The following XYLB variants were observed in gnomAD, a reference collection of about 807,000 sequenced individuals.
XYLB encodes xylulokinase.
A neutral mutation model predicts 78.7 loss-of-function variants in XYLB; 62 were observed. That is an observed-to-expected ratio of 0.79 (90% CI 0.64 to 0.97). The LOEUF (loss-of-function observed/expected upper bound fraction) is 0.97, where lower values mean the gene tolerates loss of function less well. Ranked by LOEUF, XYLB falls within the 50% of genes least tolerant of loss-of-function variation. The probability of loss-of-function intolerance (pLI) is 0.00; values close to 1 mark genes in which losing one functional copy is unlikely to be tolerated. For missense variants in XYLB, 687 were observed against 676.8 expected (o/e 1.02, Z -0.17); for synonymous variants, 245 against 247.4 (o/e 0.99, Z 0.09).
At chr3:38,388,175 T>TTTG (rs1553657963) in intron 15 of XYLB, among the ~76,000 whole-genome samples, 159 of 137,696 alleles carry the variant, frequency 1.2e-3, no homozygotes, top group Middle Eastern at 4.2e-3. Context: ...TTTTGTTTTT[T>TTTG]TTTTTTTTTT....
chr3:38,380,721 A>T (rs1464633854), intron 15 of XYLB, among the ~76,000 whole-genome samples: 1 of 152,230 alleles, frequency 6.6e-6, no homozygotes, highest in African/African-American at 2.4e-5. Context: ...TTTACTAAAG[A>T]TGTACAGGAG....
the XYLB span, among the ~76,000 whole-genome samples, chr3:38,431,752 C>T: frequency 7.8e-4 from 119 of 152,136 alleles, no homozygotes; most frequent in Non-Finnish European, 1.5e-3. Context: ...CCTTAGGAAA[C>T]TTAGAATCAT....
At chr3:38,377,535 C>T (rs1164014468) in intron 14 of XYLB, among the ~76,000 whole-genome samples, 1 of 151,694 alleles carries the variant, frequency 6.6e-6, no homozygotes, top group Non-Finnish European at 1.5e-5. Flanking sequence ...GCAACCCCCA[C>T]CTCGTGGGTT....
the XYLB span, among the ~76,000 whole-genome samples, chr3:38,445,660 T>A: frequency 1.3e-5 from 2 of 152,232 alleles, no homozygotes; most frequent in African/African-American, 2.4e-5. Context: ...TGTCAACCCT[T>A]GGGTCAGCCC....
intron 15 of XYLB, among the ~76,000 whole-genome samples, chr3:38,392,988 A>G (rs1707730584): frequency 6.6e-6 from 1 of 152,164 alleles, no homozygotes; most frequent in African/African-American, 2.4e-5. Flanking sequence ...GTCTTTGCGA[A>G]TGATGTAACT....
At chr3:38,440,808 C>T in the XYLB span, among the ~76,000 whole-genome samples, 1 of 151,656 alleles carries the variant, frequency 6.6e-6, no homozygotes, top group African/African-American at 2.4e-5. Flanking sequence ...TTCTATCTCT[C>T]TCTCTTTCTC....
At chr3:38,387,785 A>G (rs1707451496) in intron 15 of XYLB, among the ~76,000 whole-genome samples, 1 of 152,186 alleles carries the variant, frequency 6.6e-6, no homozygotes, top group Non-Finnish European at 1.5e-5. Flanking sequence ...TTCTATTTCT[A>G]GAATTTCCAT....
rs143216805 is a variant in XYLB, at chr3:38,403,410, T to C, written c.1533+2425T>C. ...TGGGCATGCTTCAAGTATGCAAAGG[T>C]ATACATGGCTTGCAGCTACTGTATT... is the stretch of plus-strand genomic sequence containing the variant. On this transcript the variant is annotated intron_variant, in intron 18 of 18. Coordinates refer to ENST00000207870, the MANE Select transcript of XYLB (RefSeq NM_005108.4). Among the ~76,000 whole-genome samples the C allele has an allele frequency of 7.9e-5, 12 of 152,340 alleles. No individual in the cohort carries two copies. The East Asian group carries it at 1.5e-3, about 20-fold the overall frequency.
chr3:38,403,423 CA>C (rs1324791187), intron 18 of XYLB, among the ~76,000 whole-genome samples: 4 of 152,252 alleles, frequency 2.6e-5, no homozygotes, highest in Admixed American at 2.6e-4. Flanking sequence ...ACATGGCTTG[CA>C]GCTACTGTAT....
chr3:38,368,071 C>A, intron 7 of XYLB, 114 bp from the exon 8 acceptor site: 1 of 986,844 alleles, frequency 1.0e-6, no homozygotes, highest in Non-Finnish European at 1.6e-6. Flanking sequence ...GCCTTTTGTT[C>A]AAAGTTTCCA....
At chr3:38,406,883 T>A (rs111541785) in intron 18 of XYLB, among the ~76,000 whole-genome samples, 137 of 142,278 alleles carry the variant, frequency 9.6e-4, no homozygotes, top group South Asian at 1.1e-3. Flanking sequence ...TGGGACTATG[T>A]GAAAAGACCA....
intron 18 of XYLB, among the ~76,000 whole-genome samples, chr3:38,409,661 C>G (rs1454200440): frequency 4.6e-5 from 7 of 152,294 alleles, no homozygotes; most frequent in Middle Eastern, 6.8e-3. Context: ...ACAAAATCTC[C>G]TAAAGCTGAT....
downstream of XYLB, chr3:38,421,294 G>A (rs895250839): frequency 6.6e-6 from 1 of 152,416 alleles, no homozygotes; most frequent in African/African-American, 2.4e-5. Flanking sequence ...GGGTCGAATA[G>A]TCGCCAGAGC....
At chr3:38,409,045 C>G (rs1341003168) in intron 18 of XYLB, among the ~76,000 whole-genome samples, 2 of 152,172 alleles carry the variant, frequency 1.3e-5, no homozygotes, top group African/African-American at 4.8e-5. Flanking sequence ...ATAAGGCCAG[C>G]AGCATCCTGA....
At chr3:38,353,557 C>G (rs1218888150) in intron 2 of XYLB, among the ~76,000 whole-genome samples, 2 of 151,666 alleles carry the variant, frequency 1.3e-5, no homozygotes, top group Non-Finnish European at 2.9e-5. Context: ...GCAGTCCACC[C>G]ACCTCTGCCT....
At position 38,404,937 on chromosome 3, in the gene XYLB, G is replaced by A. The variant is rs150411936; in HGVS notation, c.1533+3952G>A. Among the ~76,000 whole-genome samples the A allele has an allele frequency of 1.8e-3, 277 of 152,284 alleles. 3 individuals carry two copies. Among genetic ancestry groups the A allele is most frequent in the African/African-American group, 6.4e-3 (268 of 41,558 alleles). ...TTACTTGCGAGTCGCAGGAAAATCC[G>A]GGTCCTTGGTCTTGTTGTTTGTCTG... On this transcript the variant is annotated intron_variant, in intron 18 of 18. Transcript: ENST00000207870.
At chr3:38,420,842 G>C (rs529929913), downstream of XYLB, among the ~76,000 whole-genome samples, 1 of 152,130 alleles carries the variant, frequency 6.6e-6, no homozygotes, top group Non-Finnish European at 1.5e-5. Flanking sequence ...AATGGGACAT[G>C]CTCATGATGG....
At chr3:38,348,479 C>A in intron 1 of XYLB, 71 bp from the exon 2 acceptor site, 1 of 1,472,312 alleles carries the variant, frequency 6.8e-7, no homozygotes, top group Non-Finnish European at 9.5e-7. Flanking sequence ...CATCTGGTGA[C>A]GTTAGTACCC....
downstream of XYLB, among the ~76,000 whole-genome samples, chr3:38,415,920 T>G (rs1199602186): frequency 2.6e-5 from 4 of 152,146 alleles, no homozygotes; most frequent in Non-Finnish European, 1.5e-5. Flanking sequence ...AAGGACCTTC[T>G]TCACATGGTG....
Sources: gnomAD v4.1 joint callset for allele counts (sites outside exome capture counted in the v4.1 genomes callset) on GRCh38, gnomAD v4.1.1 for gene constraint, MANE v1.5 for transcripts, NCBI Gene and HGNC (gene_info 2026-07-23, HGNC 2026-07-21) for gene names.